MGAT4C: variants seen among roughly 807,000 people sequenced by gnomAD.
The protein encoded by MGAT4C is alpha-1,3-mannosyl-glycoprotein 4-beta-N-acetylglucosaminyltransferase C.
In MGAT4C, 19 loss-of-function variants were observed where a neutral mutation model predicts 40.1. The ratio of observed to expected loss-of-function variants is 0.47; its 90% CI spans 0.33 to 0.70. The LOEUF is 0.70. MGAT4C is among the 30% of genes least tolerant of loss of function. MGAT4C has a pLI of 0.02. For synonymous variants in MGAT4C, 181 were observed against 187.1 expected, an observed-to-expected ratio of 0.97 and a Z score of 0.27; for missense variants, 491 against 563.2, an observed-to-expected ratio of 0.87 and a Z score of 1.30.
intron 2 of MGAT4C, among the ~76,000 whole-genome samples, chr12:86,044,742 C>T (rs1343121211): frequency 1.3e-5 from 2 of 152,086 alleles, no homozygotes; most frequent in Non-Finnish European, 2.9e-5. Context: ...GTCTATCCAT[C>T]ACTTGCACTG....
intron 1 of MGAT4C, among the ~76,000 whole-genome samples, chr12:86,082,840 C>A (rs1871091103): frequency 6.6e-6 from 1 of 151,568 alleles, no homozygotes; most frequent in Non-Finnish European, 1.5e-5. Flanking sequence ...TTGATTTATA[C>A]TTTTATTTTT....
intron 2 of MGAT4C, among the ~76,000 whole-genome samples, chr12:86,576,149 A>T (rs1960550280): frequency 6.6e-6 from 1 of 151,730 alleles, no homozygotes; most frequent in South Asian, 2.1e-4. Context: ...TGTCTATTCA[A>T]ATCTTTTGTA....
At chr12:86,496,680 ATATT>A (rs1958242554) in intron 2 of MGAT4C, among the ~76,000 whole-genome samples, 1 of 152,050 alleles carries the variant, frequency 6.6e-6, no homozygotes, top group Admixed American at 6.6e-5. Flanking sequence ...CATACAATAA[ATATT>A]TATATATACA....
At chr12:86,019,578 G>A (rs1001177497) in intron 2 of MGAT4C, among the ~76,000 whole-genome samples, 1 of 152,176 alleles carries the variant, frequency 6.6e-6, no homozygotes, top group Admixed American at 6.5e-5. Flanking sequence ...AATACATGCT[G>A]TTTTGGTTAC....
At chr12:86,278,888 A>G (rs1361385956) in intron 4 of MGAT4C, among the ~76,000 whole-genome samples, 1 of 152,138 alleles carries the variant, frequency 6.6e-6, no homozygotes, top group African/African-American at 2.4e-5. Flanking sequence ...TCATGAAGTA[A>G]TGTTGAATTT....
At chr12:86,251,220 T>A (rs1404529262) in intron 1 of MGAT4C, among the ~76,000 whole-genome samples, 1 of 151,442 alleles carries the variant, frequency 6.6e-6, no homozygotes, top group Non-Finnish European at 1.5e-5. Flanking sequence ...CCCAGACTTT[T>A]AAAAATATTA....
rs546925085 is a variant in MGAT4C at position 86,109,619 on chromosome 12, T to C, written c.-56-59896A>G. Among the ~76,000 whole-genome samples, 4 of 152,150 alleles carry C rather than the reference T, an allele frequency of 2.6e-5. No homozygotes were observed. The South Asian group carries it at 6.2e-4, about 24-fold the overall frequency. ...TTCATTTAAAGGGATGATAACTGTTTACAAGCATGGAAAAATATTTATGGT... is the reference window on the plus strand; with the variant it reads ...TTCATTTAAAGGGATGATAACTGTTCACAAGCATGGAAAAATATTTATGGT... On this transcript the variant is annotated intron_variant, in intron 1 of 4. Transcript: ENST00000611864.
chr12:86,280,810 A>C (rs534532625), intron 4 of MGAT4C, among the ~76,000 whole-genome samples: 1 of 151,054 alleles, frequency 6.6e-6, no homozygotes, highest in South Asian at 2.1e-4. Context: ...TCATCACTTC[A>C]GTTTTCTTAT....
At chr12:86,780,361 T>C (rs575096422) in intron 1 of MGAT4C, among the ~76,000 whole-genome samples, 1 of 152,230 alleles carries the variant, frequency 6.6e-6, no homozygotes, top group African/African-American at 2.4e-5. Context: ...TGAGATGGTT[T>C]GCCTTTGCGT....
intron 4 of MGAT4C, among the ~76,000 whole-genome samples, chr12:86,266,000 G>A (rs951437987): frequency 6.6e-6 from 1 of 152,080 alleles, no homozygotes; most frequent in Non-Finnish European, 1.5e-5. Flanking sequence ...TATCCTTCAA[G>A]TTTACTGAAT....
At chr12:86,514,181 G>C (rs749555506) in intron 2 of MGAT4C, among the ~76,000 whole-genome samples, 1 of 151,530 alleles carries the variant, frequency 6.6e-6, no homozygotes, top group Non-Finnish European at 1.5e-5. Flanking sequence ...CCAATTAGTA[G>C]CTTACAATTT....
intron 1 of MGAT4C, among the ~76,000 whole-genome samples, chr12:86,074,957 A>G (rs1869390429): frequency 6.6e-6 from 1 of 152,178 alleles, no homozygotes; most frequent in African/African-American, 2.4e-5. Flanking sequence ...GTGGGGACAC[A>G]GCCAAACCAT....
chr12:86,641,242 A>C (rs538626781), intron 2 of MGAT4C, among the ~76,000 whole-genome samples: 6 of 151,836 alleles, frequency 4.0e-5, no homozygotes, highest in South Asian at 2.1e-4. Flanking sequence ...AATTGGAAAT[A>C]ATCATTCTCA....
chr12:86,123,016 G>A (rs1488942214), intron 1 of MGAT4C, among the ~76,000 whole-genome samples: 1 of 152,070 alleles, frequency 6.6e-6, no homozygotes. Flanking sequence ...ATCTAGACAA[G>A]CCAGTATTAG....
chr12:86,028,302 C>T, intron 2 of MGAT4C: 1 of 537,784 alleles, frequency 1.9e-6, no homozygotes, highest in Non-Finnish European at 3.0e-6. Context: ...CAACACCATG[C>T]CCTTTGTCTG....
chr12:86,773,942 C>CTTTTTTTTTTTTTTTTT lies in MGAT4C; in HGVS notation c.-261-46702_-261-46701insAAAAAAAAAAAAAAAAA, dbSNP rs1565980916. 2.2e-4 allele frequency among the ~76,000 whole-genome samples: 23 copies of CTTTTTTTTTTTTTTTTT among 106,520 alleles called. 10 individuals are homozygous for CTTTTTTTTTTTTTTTTT. The highest frequency in any genetic ancestry group is 2.3e-4 in the Non-Finnish European group (12 of 52,286). 69.9% of individuals were successfully genotyped at this position (106,520 alleles called of 152,430 possible). ...ACAGGTTCACATTTTTTTAAAGTAA[C>CTTTTTTTTTTTTTTTTT]TTCTTTTTTTTTTTTTTTTTTTTTT... is the stretch of plus-strand genomic sequence containing the variant. On this transcript the variant is annotated intron_variant, in intron 1 of 7. Coordinates refer to the MGAT4C transcript ENST00000548651.
chr12:86,830,716 G>GAAAC (rs3050182), intron 1 of MGAT4C, among the ~76,000 whole-genome samples: 16,977 of 149,612 alleles, frequency 0.11, 972 homozygotes, highest in East Asian at 0.19. Context: ...GGCTCCTAAT[G>GAAAC]AAACAAACAA....
intron 1 of MGAT4C, among the ~76,000 whole-genome samples, chr12:86,797,598 CTCTA>C (rs1952150307): frequency 1.3e-5 from 2 of 151,884 alleles, no homozygotes; most frequent in South Asian, 4.1e-4. Flanking sequence ...TTACTTCCTG[CTCTA>C]TCTGCTTCTC....
At chr12:86,314,338 C>T (rs764909471) in intron 4 of MGAT4C, among the ~76,000 whole-genome samples, 16 of 152,072 alleles carry the variant, frequency 1.1e-4, no homozygotes, top group African/African-American at 1.4e-4. Context: ...GGGCAGATCA[C>T]GAGGTCAAGA....
Sources: allele counts gnomAD v4.1 joint callset (sites outside exome capture counted in the v4.1 genomes callset), GRCh38; gene constraint gnomAD v4.1.1; transcripts MANE v1.5; gene names NCBI Gene and HGNC (gene_info 2026-07-23, HGNC 2026-07-21).